CCDC148: variants seen among roughly 807,000 people sequenced by gnomAD.
CCDC148 encodes the protein coiled-coil domain containing 148.
Under a neutral mutation model 85.7 loss-of-function variants are expected in CCDC148, and 89 were observed. That is an observed-to-expected ratio of 1.04 (90% CI 0.87 to 1.24). The LOEUF is 1.24. Among genes scored for constraint, CCDC148 ranks in the 50% most tolerant of loss-of-function variants. The pLI is 0.00. For missense variants in CCDC148, 692 were observed against 671.7 expected, an observed-to-expected ratio of 1.03 and a Z score of -0.33; for synonymous variants, 230 against 213.9, an observed-to-expected ratio of 1.08 and a Z score of -0.66.
Position 158,338,859 on chromosome 2 carries a change from GC to G in CCDC148, c.630del (p.Ile212LeufsTer3), listed in dbSNP as rs1682525180. 1.9e-6 allele frequency: 3 copies of G among 1,611,872 alleles called. No individual in the cohort carries two copies. The highest frequency in any genetic ancestry group is 2.5e-6 in the Non-Finnish European group (3 of 1,179,448). ...LEEKTNPLSE[L>X]PIELESLECP... ...CATTCCAAACTTTCTAATTCAATGG[GC>G]AGTTCACTAAGCGGGTTAGTCTTTT... On this transcript the variant is annotated frameshift_variant, in exon 7 of 14. Transcript: ENST00000283233. LOFTEE classifies it high-confidence loss of function.
chr2:158,282,146 C>G (rs1297050688), intron 9 of CCDC148, among the ~76,000 whole-genome samples: 2 of 151,706 alleles, frequency 1.3e-5, no homozygotes. Context: ...TAAGAGCTAT[C>G]TATGACAAAC....
chr2:158,391,188 C>T (rs1170536084), intron 1 of CCDC148, among the ~76,000 whole-genome samples: 4 of 151,994 alleles, frequency 2.6e-5, no homozygotes, highest in Admixed American at 6.6e-5. Context: ...GATGATGAAC[C>T]GTGAATTACA....
At chr2:158,434,894 G>C (rs1488846005) in intron 1 of CCDC148, among the ~76,000 whole-genome samples, 1 of 152,158 alleles carries the variant, frequency 6.6e-6, no homozygotes, top group Non-Finnish European at 1.5e-5. Flanking sequence ...AAGATCAAAT[G>C]AATGAAATGA....
At chr2:158,282,623 TAA>T in intron 9 of CCDC148, among the ~76,000 whole-genome samples, 1 of 152,168 alleles carries the variant, frequency 6.6e-6, no homozygotes, top group East Asian at 1.9e-4. Flanking sequence ...TCAATGAAAT[TAA>T]AGAGGATACA....
At chr2:158,191,495 G>A (rs1685421236) in intron 11 of CCDC148, among the ~76,000 whole-genome samples, 1 of 151,766 alleles carries the variant, frequency 6.6e-6, no homozygotes. Context: ...ACGCCTTCGG[G>A]GTTTTTTCTT....
chr2:158,184,425 G>A (rs1372165462), intron 11 of CCDC148, among the ~76,000 whole-genome samples: 2 of 152,058 alleles, frequency 1.3e-5, no homozygotes, highest in Non-Finnish European at 2.9e-5. Context: ...TTATAATAGT[G>A]GGGGGAAATA....
chr2:158,353,182 C>A (rs6437169), intron 2 of CCDC148, among the ~76,000 whole-genome samples: 74,429 of 103,422 alleles, frequency 0.72, 26,994 homozygotes, highest in East Asian at 0.93. Flanking sequence ...CGAGCAAAAT[C>A]ACCAGCTAAC....
chr2:158,249,858 T>A (rs544215470), intron 10 of CCDC148, among the ~76,000 whole-genome samples: 86 of 152,258 alleles, frequency 5.6e-4, no homozygotes, highest in African/African-American at 2.0e-3. Flanking sequence ...CCAATGACCA[T>A]GAATTAATTA....
intron 1 of CCDC148, among the ~76,000 whole-genome samples, chr2:158,376,459 T>TA (rs975343864): frequency 3.3e-5 from 5 of 152,088 alleles, no homozygotes; most frequent in African/African-American, 1.2e-4. Context: ...ACATTTTTAA[T>TA]AAAAAATAGC....
At chr2:158,418,440 C>T (rs1259168637) in intron 1 of CCDC148, among the ~76,000 whole-genome samples, 2 of 152,094 alleles carry the variant, frequency 1.3e-5, no homozygotes, top group Non-Finnish European at 2.9e-5. Context: ...AAGGGCTGGC[C>T]TCTGCCTCCT....
intron 7 of CCDC148, among the ~76,000 whole-genome samples, chr2:158,315,778 A>G (rs545723886): frequency 6.6e-6 from 1 of 152,042 alleles, no homozygotes; most frequent in East Asian, 1.9e-4. Flanking sequence ...CACCCTCTTT[A>G]GAGAAGGCTA....
chr2:158,312,578 CAAAAAAAA>C (rs61545122), intron 8 of CCDC148, among the ~76,000 whole-genome samples: 1 of 76,118 alleles, frequency 1.3e-5, no homozygotes, highest in South Asian at 5.5e-4. Flanking sequence ...GAATCCATCT[CAAAAAAAA>C]AAAAAAAAAA....
intron 9 of CCDC148, among the ~76,000 whole-genome samples, chr2:158,278,910 G>A (rs924467004): frequency 9.2e-5 from 14 of 152,146 alleles, no homozygotes; most frequent in African/African-American, 1.7e-4. Flanking sequence ...TCACACAGCC[G>A]GGTACTCCTC....
intron 1 of CCDC148, among the ~76,000 whole-genome samples, chr2:158,422,117 G>C (rs1000498699): frequency 3.3e-5 from 5 of 152,058 alleles, no homozygotes; most frequent in African/African-American, 1.2e-4. Flanking sequence ...AACAAAAAAA[G>C]TCCAGGACCA....
chr2:158,386,026 T>C (rs943508181), intron 1 of CCDC148, among the ~76,000 whole-genome samples: 1 of 152,090 alleles, frequency 6.6e-6, no homozygotes, highest in African/African-American at 2.4e-5. Context: ...ACTAAATTGG[T>C]TATATTATGC....
chr2:158,246,479 A>T, intron 10 of CCDC148, among the ~76,000 whole-genome samples: 1 of 152,216 alleles, frequency 6.6e-6, no homozygotes, highest in East Asian at 1.9e-4. Flanking sequence ...ACACAACTAC[A>T]CACACACATA....
chr2:158,224,823 C>A (rs1418530812), intron 10 of CCDC148, among the ~76,000 whole-genome samples: 1 of 152,138 alleles, frequency 6.6e-6, no homozygotes, highest in Non-Finnish European at 1.5e-5. Flanking sequence ...TGGAAAGGAA[C>A]AACCGGTACC....
Position 158,383,959 on chromosome 2 carries a change from A to C in CCDC148, c.26-25389T>G, listed in dbSNP as rs141872102. 6.1e-4 allele frequency among the ~76,000 whole-genome samples: 93 copies of C among 152,280 alleles called. 4 individuals are homozygous for C. The East Asian group carries it at 0.016, about 26-fold the overall frequency. ...CCCCTTCAGCCCAGAATTGCTACTC[A>C]GTCTTTGACTTTCAGGATCTTGACA... is the stretch of plus-strand genomic sequence containing the variant. On this transcript the variant is annotated intron_variant, in intron 1 of 13. Coordinates refer to ENST00000283233, the MANE Select transcript of CCDC148 (RefSeq NM_138803.4).
intron 1 of CCDC148, among the ~76,000 whole-genome samples, chr2:158,393,065 A>T (rs1416396187): frequency 6.6e-6 from 1 of 152,014 alleles, no homozygotes; most frequent in Non-Finnish European, 1.5e-5. Context: ...TAAAAAAAAA[A>T]GTTAACATAA....
Sources: allele counts gnomAD v4.1 joint callset (sites outside exome capture counted in the v4.1 genomes callset), GRCh38; gene constraint gnomAD v4.1.1; transcripts MANE v1.5; gene names NCBI Gene and HGNC (gene_info 2026-07-23, HGNC 2026-07-21).